The following RNLS variants were observed in gnomAD, a reference collection of about 807,000 sequenced individuals.
The protein encoded by RNLS is renalase, FAD dependent amine oxidase.
In RNLS, 39 loss-of-function variants were observed where a neutral mutation model predicts 39.8. The observed-to-expected ratio is 0.98, with a 90% CI of 0.76 to 1.28. RNLS has a LOEUF of 1.28. Ranked by LOEUF, RNLS falls within the 50% of genes most tolerant of loss-of-function variation. The probability of loss-of-function intolerance (pLI) is 0.00; values close to 1 mark genes in which losing one functional copy is unlikely to be tolerated. For missense variants in RNLS, 410 were observed against 413.3 expected (o/e 0.99, Z 0.07); for synonymous variants, 147 against 150.7 (o/e 0.98, Z 0.18).
chr10:88,303,248 G>T (rs994698559), intron 6 of RNLS, among the ~76,000 whole-genome samples: 4 of 152,246 alleles, frequency 2.6e-5, no homozygotes, highest in Non-Finnish European at 5.9e-5. Context: ...AGCCCAGATG[G>T]TTTGGTGCAG....
chr10:88,398,623 G>A (rs1299246799), intron 4 of RNLS, among the ~76,000 whole-genome samples: 2 of 151,964 alleles, frequency 1.3e-5, no homozygotes, highest in East Asian at 1.9e-4. Flanking sequence ...TACTTTACAC[G>A]GTCTACAAAA....
chr10:88,232,188 A>T, the RNLS span, among the ~76,000 whole-genome samples: 1 of 151,886 alleles, frequency 6.6e-6, no homozygotes, highest in Non-Finnish European at 1.5e-5. Context: ...CCAATGCTAC[A>T]CTCACCTCTT....
rs527396308 is a variant in RNLS at position 88,313,429 on chromosome 10, A to G, written c.876+1037T>C. 1.1e-4 allele frequency among the ~76,000 whole-genome samples: 17 copies of G among 152,318 alleles called. 1 individual carries two copies. Among genetic ancestry groups the G allele is most frequent in the African/African-American group, 3.8e-4 (16 of 41,574 alleles). ...AGATAATAGCTATTTAGATTTTTCA[A>G]TGCTTTTAAAAGGAAAAAGTAAAGT... is the stretch of plus-strand genomic sequence containing the variant. On this transcript the variant is annotated intron_variant, in intron 6 of 6. Transcript: ENST00000331772.
chr10:88,550,037 G>T (rs1275569955), intron 4 of RNLS, among the ~76,000 whole-genome samples: 1 of 152,052 alleles, frequency 6.6e-6, no homozygotes, highest in South Asian at 2.1e-4. Context: ...GTTTTGGGGG[G>T]TTGTTGCTAT....
chr10:88,351,058 C>T (rs572571646), intron 5 of RNLS, among the ~76,000 whole-genome samples: 16 of 152,114 alleles, frequency 1.1e-4, no homozygotes, highest in Non-Finnish European at 2.2e-4. Context: ...TCATATCCTT[C>T]GCCCACTTGT....
chr10:88,265,526 T>C, the RNLS span, among the ~76,000 whole-genome samples: 3 of 152,132 alleles, frequency 2.0e-5, no homozygotes, highest in Admixed American at 2.0e-4. Flanking sequence ...ATGACTTCTT[T>C]CAGCAGTGTT....
chr10:88,575,225 TATATATATACAC>T (rs1850128584), intron 3 of RNLS, among the ~76,000 whole-genome samples: 1 of 141,316 alleles, frequency 7.1e-6, no homozygotes. Flanking sequence ...TATATATATA[TATATATATACAC>T]ATATATATAC....
intron 4 of RNLS, among the ~76,000 whole-genome samples, chr10:88,371,426 C>T (rs999843026): frequency 1.4e-4 from 22 of 152,106 alleles, no homozygotes; most frequent in Non-Finnish European, 2.6e-4. Flanking sequence ...CTACACTTCA[C>T]TTTTCAGAGT....
At chr10:88,359,185 G>A (rs545096648) in intron 5 of RNLS, among the ~76,000 whole-genome samples, 27 of 152,052 alleles carry the variant, frequency 1.8e-4, no homozygotes, top group Non-Finnish European at 3.1e-4. Flanking sequence ...GCATGGAGGC[G>A]GGCACCTGTA....
intron 4 of RNLS, among the ~76,000 whole-genome samples, chr10:88,532,154 T>C (rs933291634): frequency 6.6e-6 from 1 of 152,112 alleles, no homozygotes; most frequent in African/African-American, 2.4e-5. Flanking sequence ...CGACAGCCTT[T>C]ACATTTCTGT....
intron 4 of RNLS, among the ~76,000 whole-genome samples, chr10:88,532,074 A>C (rs915966842): frequency 6.6e-6 from 1 of 152,094 alleles, no homozygotes; most frequent in East Asian, 1.9e-4. Context: ...TTAGGTCATT[A>C]AAGTCATTCT....
Position 88,573,509 on chromosome 10 carries a change from A to G in RNLS, c.368-448T>C, listed in dbSNP as rs74147233. Among the ~76,000 whole-genome samples, 138 of 152,330 alleles carry G rather than the reference A, an allele frequency of 9.1e-4. 1 individual carries two copies. Among genetic ancestry groups the G allele is most frequent in the African/African-American group, 3.2e-3 (135 of 41,586 alleles). On this transcript the variant is annotated intron_variant, in intron 3 of 6. Coordinates refer to ENST00000331772, the MANE Select transcript of RNLS (RefSeq NM_001031709.3). ...ACTTCAGTAAACATGTGTGTTAGCA[A>G]TGAAATAAGAAGAGCAATATTCTCT...
At chr10:88,466,159 T>C (rs963861580) in intron 4 of RNLS, among the ~76,000 whole-genome samples, 1 of 152,110 alleles carries the variant, frequency 6.6e-6, no homozygotes, top group African/African-American at 2.4e-5. Context: ...GAAGTCTGAT[T>C]GTCCTGCCCA....
chr10:88,231,941 T>C, the RNLS span, among the ~76,000 whole-genome samples: 2 of 87,416 alleles, frequency 2.3e-5, no homozygotes, highest in Non-Finnish European at 4.7e-5. Context: ...TCACAGGATT[T>C]CTGTGTGTGT....
intron 4 of RNLS, among the ~76,000 whole-genome samples, chr10:88,378,158 C>T (rs1221542406): frequency 6.6e-6 from 1 of 151,972 alleles, no homozygotes; most frequent in Non-Finnish European, 1.5e-5. Flanking sequence ...ACAATGTCTT[C>T]TTTAGGAATA....
intron 5 of RNLS, among the ~76,000 whole-genome samples, chr10:88,341,329 C>CAAAAAAAAAAAAAAAA (rs755002114): frequency 2.0e-5 from 1 of 50,694 alleles, no homozygotes; most frequent in South Asian, 7.0e-4. Flanking sequence ...AACTCCATCT[C>CAAAAAAAAAAAAAAAA]AAAAAAAAAA....
intron 4 of RNLS, among the ~76,000 whole-genome samples, chr10:88,428,247 A>T (rs540594688): frequency 2.0e-5 from 3 of 152,114 alleles, no homozygotes; most frequent in African/African-American, 7.2e-5. Context: ...AAGAGCTAGG[A>T]CTATTACTAA....
intron 4 of RNLS, among the ~76,000 whole-genome samples, chr10:88,367,213 C>A (rs1388372163): frequency 2.6e-5 from 4 of 152,078 alleles, no homozygotes; most frequent in African/African-American, 9.7e-5. Flanking sequence ...CCAGAAGCTA[C>A]CTTCTGCTCC....
chr10:88,208,067 A>G, the RNLS span, among the ~76,000 whole-genome samples: 1 of 152,128 alleles, frequency 6.6e-6, no homozygotes, highest in African/African-American at 2.4e-5. Context: ...ACATCAAGCG[A>G]CTGAAATGTC....
Sources: gnomAD v4.1 joint callset for allele counts (sites outside exome capture counted in the v4.1 genomes callset) on GRCh38, gnomAD v4.1.1 for gene constraint, MANE v1.5 for transcripts, NCBI Gene and HGNC (gene_info 2026-07-23, HGNC 2026-07-21) for gene names.